Variants in ZNF521 observed in about 807,000 individuals in gnomAD.
The protein encoded by ZNF521 is LYST-interacting protein 3.
A neutral mutation model predicts 105.5 loss-of-function variants in ZNF521; 14 were observed. The ratio of observed to expected loss-of-function variants is 0.13; its 90% CI spans 0.09 to 0.21. The LOEUF is 0.21. ZNF521 is among the 10% of genes least tolerant of loss of function. The pLI, the probability that ZNF521 is intolerant of heterozygous loss-of-function variation, is 1.00. For synonymous variants in ZNF521, 635 were observed against 606.0 expected (o/e 1.05, Z -0.70); for missense variants, 1,233 against 1,629.7 (o/e 0.76, Z 4.19).
chr18:25,263,514 C>A (rs576209167), intron 3 of ZNF521, among the ~76,000 whole-genome samples: 1 of 151,966 alleles, frequency 6.6e-6, no homozygotes, highest in Non-Finnish European at 1.5e-5. Context: ...CTTGCCACCA[C>A]GCCCAGCTAA....
At chr18:25,336,806 GAA>G (rs1400647737) in intron 2 of ZNF521, among the ~76,000 whole-genome samples, 3 of 152,182 alleles carry the variant, frequency 2.0e-5, no homozygotes, top group African/African-American at 7.2e-5. Flanking sequence ...TTCTAGAATA[GAA>G]AAGAGTTGTA....
At chr18:25,258,112 C>T (rs141492186) in intron 3 of ZNF521, among the ~76,000 whole-genome samples, 4 of 152,204 alleles carry the variant, frequency 2.6e-5, no homozygotes, top group African/African-American at 7.2e-5. Flanking sequence ...TTATTGATAA[C>T]GAGGCACTCT....
chr18:25,177,510 T>C (rs2035554880), intron 5 of ZNF521, among the ~76,000 whole-genome samples: 1 of 152,122 alleles, frequency 6.6e-6, no homozygotes, highest in Non-Finnish European at 1.5e-5. Flanking sequence ...TCTACACCCG[T>C]TCTGACTTAC....
intron 3 of ZNF521, among the ~76,000 whole-genome samples, chr18:25,236,099 T>C (rs1026039523): frequency 6.6e-6 from 1 of 152,188 alleles, no homozygotes. Flanking sequence ...GCTGTTTTCA[T>C]AGGGTGAAAA....
intron 3 of ZNF521, among the ~76,000 whole-genome samples, chr18:25,256,021 G>GTATATATATGGTATATATATGA (rs1568038244): frequency 1.4e-5 from 2 of 146,326 alleles, no homozygotes; most frequent in African/African-American, 5.0e-5. Flanking sequence ...TATATATATG[G>GTATATATATGGTATATATATGA]TATATATATG....
intron 4 of ZNF521, 39 bp from the exon 5 acceptor site, chr18:25,195,283 G>C: frequency 7.0e-7 from 1 of 1,434,904 alleles, no homozygotes; most frequent in Non-Finnish European, 9.5e-7. Context: ...TTAGACACAT[G>C]GACTTTTAAT....
intron 5 of ZNF521, among the ~76,000 whole-genome samples, chr18:25,145,041 A>C (rs1160347254): frequency 2.6e-5 from 4 of 152,034 alleles, no homozygotes; most frequent in Admixed American, 2.6e-4. Flanking sequence ...TGTCTGTGGA[A>C]CTCCTCCAAG....
chr18:25,226,978 T>C lies in ZNF521; in HGVS notation c.940A>G (p.Ile314Val). Residue 314 changes from isoleucine to valine, a missense_variant, in exon 4 of 8, where the codon ATT becomes GTT. By Grantham distance (29) the Ile-to-Val change is conservative. Around this residue, in one of 6 missense-constraint regions of ZNF521, gnomAD observed 380 missense variants for 478.0 expected, o/e 0.80. Coordinates refer to ENST00000361524, the MANE Select transcript of ZNF521 (RefSeq NM_015461.3). The surrounding 1 kb of genome is among the most constrained non-coding windows in gnomAD (Gnocchi z 4.1). ...HSGEKKNSCS[I>V]CSESFHTVEE... ...ACTGTGTGGAAACTCTCAGAACAAA[T>C]GCTGCATGAGTTCTTCTTCTCCCCG... 2 of 1,614,104 alleles carry C rather than the reference T, an allele frequency of 1.2e-6. No individual in the cohort carries two copies. Among genetic ancestry groups the C allele is most frequent in the Non-Finnish European group, 1.7e-6 (2 of 1,180,004 alleles).
chr18:25,132,453 T>C (rs145740821), intron 5 of ZNF521, among the ~76,000 whole-genome samples: 184 of 152,256 alleles, frequency 1.2e-3, no homozygotes, highest in African/African-American at 4.2e-3. Context: ...GAAAAATAAA[T>C]ACTTTAATTT....
chr18:25,337,574 A>G (rs1913961528), intron 2 of ZNF521, among the ~76,000 whole-genome samples: 1 of 152,232 alleles, frequency 6.6e-6, no homozygotes, highest in African/African-American at 2.4e-5. Context: ...TTAAAATGTC[A>G]ATTAAATACC....
chr18:25,351,973 A>AGT (rs1490679319), intron 1 of ZNF521, 32 bp downstream of exon 1: 2 of 387,468 alleles, frequency 5.2e-6, no homozygotes, highest in African/African-American at 2.1e-5. Flanking sequence ...GAGGAGAAGG[A>AGT]GTGTGCTGTG....
At chr18:25,350,645 T>G (rs1347098431) in intron 2 of ZNF521, among the ~76,000 whole-genome samples, 3 of 152,122 alleles carry the variant, frequency 2.0e-5, no homozygotes, top group Middle Eastern at 3.4e-3. Flanking sequence ...TCTCTTTTTT[T>G]TTTTCGGTTG....
chr18:25,132,294 A>C (rs980762953), intron 5 of ZNF521, among the ~76,000 whole-genome samples: 3 of 152,174 alleles, frequency 2.0e-5, no homozygotes, highest in African/African-American at 7.2e-5. Context: ...AGTGTTTTAT[A>C]ACTTCTAACT....
chr18:25,129,028 A>T (rs867120541), intron 5 of ZNF521, among the ~76,000 whole-genome samples: 6 of 151,992 alleles, frequency 3.9e-5, no homozygotes, highest in Admixed American at 6.6e-5. Context: ...TCAGAGAACT[A>T]ATGCCACTCA....
chr18:25,066,357 G>A (rs541024848), intron 7 of ZNF521, among the ~76,000 whole-genome samples: 3 of 152,158 alleles, frequency 2.0e-5, no homozygotes, highest in Non-Finnish European at 4.4e-5. Flanking sequence ...GGATCCGGGG[G>A]ATGTGTCTGT....
chr18:25,070,762 G>A (rs34331761), intron 7 of ZNF521, among the ~76,000 whole-genome samples: 13,194 of 152,164 alleles, frequency 0.087, 759 homozygotes, highest in East Asian at 0.17. Context: ...ATATCTCTTG[G>A]TGGGAAGCAT....
intron 7 of ZNF521, among the ~76,000 whole-genome samples, chr18:25,077,891 G>T (rs1055557193): frequency 6.6e-6 from 1 of 152,004 alleles, no homozygotes; most frequent in African/African-American, 2.4e-5. Context: ...AAATGTAAAA[G>T]ATTCTGGGAG....
intron 4 of ZNF521, among the ~76,000 whole-genome samples, chr18:25,219,863 T>C (rs1279735781): frequency 6.6e-6 from 1 of 152,152 alleles, no homozygotes; most frequent in Non-Finnish European, 1.5e-5. Context: ...CATTGAGGTG[T>C]AATCCCCATA....
At chr18:25,216,268 T>C (rs1276348403) in intron 4 of ZNF521, among the ~76,000 whole-genome samples, 1 of 152,204 alleles carries the variant, frequency 6.6e-6, no homozygotes. Flanking sequence ...AAAATATTGA[T>C]TCTAAGACAC....
Sources: gnomAD v4.1 joint callset for allele counts (sites outside exome capture counted in the v4.1 genomes callset) on GRCh38, gnomAD v4.1.1 for gene constraint, gnomAD v4.1.1 regional missense constraint, Gnocchi (gnomAD v3.1) non-coding constraint, MANE v1.5 for transcripts, NCBI Gene and HGNC (gene_info 2026-07-23, HGNC 2026-07-21) for gene names.